Variants in TMEM255B observed in about 807,000 individuals in gnomAD.
TMEM255B encodes family with sequence similarity 70, member B.
TMEM255B carries 35 observed loss-of-function variants against 34.5 expected under a neutral mutation model. The ratio of observed to expected loss-of-function variants is 1.01; its 90% confidence interval spans 0.77 to 1.34. The LOEUF (loss-of-function observed/expected upper bound fraction) is 1.34. Ranked by LOEUF, TMEM255B falls within the 40% of genes most tolerant of loss-of-function variation. TMEM255B has a pLI of 0.00. For synonymous variants in TMEM255B, 206 were observed against 201.2 expected (o/e 1.02, Z -0.20); for missense variants, 432 against 433.2 (o/e 1.00, Z 0.02).
At chr13:113,787,522 G>C (rs569500727) in intron 3 of TMEM255B, among the ~76,000 whole-genome samples, 2 of 152,248 alleles carry the variant, frequency 1.3e-5, no homozygotes, top group South Asian at 4.1e-4. Context: ...TGGATGGTGC[G>C]AGTGTAGGGT....
At chr13:113,761,264 A>G (rs1020658718) in intron 1 of TMEM255B, 6 of 985,252 alleles carry the variant, frequency 6.1e-6, no homozygotes, top group Non-Finnish European at 7.2e-6. Flanking sequence ...GCTTTGTGAC[A>G]TTCCCCTTCC....
chr13:113,809,516 G>T (rs1374193274), intron 8 of TMEM255B, among the ~76,000 whole-genome samples: 3 of 84,270 alleles, frequency 3.6e-5, no homozygotes, highest in Non-Finnish European at 6.6e-5. Flanking sequence ...GGTTCCTGGG[G>T]GTTTACTCCA....
chr13:113,804,983 G>T lies in TMEM255B; in HGVS notation c.768G>T (p.Thr256=), dbSNP rs56032548. Residue 256 remains threonine, a synonymous_variant, in exon 8 of 9, where the codon ACG becomes ACT. Coordinates refer to ENST00000375353, the MANE Select transcript of TMEM255B (RefSeq NM_182614.4). ...QILAYAGFRL[T]PEPVPTCSSY... Reference sequence around the variant, plus strand: ...TGGCCTACGCAGGCTTCCGCCTGACGCCCGAGCCCGTCCCGACCTGCTCGT... The same window carrying T: ...TGGCCTACGCAGGCTTCCGCCTGACTCCCGAGCCCGTCCCGACCTGCTCGT... The T allele has an allele frequency of 3.7e-6, 6 of 1,606,316 alleles. No homozygotes were observed. The highest frequency in any genetic ancestry group is 5.1e-6 in the Non-Finnish European group (6 of 1,179,642).
intron 8 of TMEM255B, among the ~76,000 whole-genome samples, chr13:113,810,419 C>T (rs778173706): frequency 1.3e-5 from 2 of 152,194 alleles, no homozygotes; most frequent in East Asian, 3.8e-4. Context: ...AAAATCTGTG[C>T]CGTTCTTCGC....
intron 3 of TMEM255B, among the ~76,000 whole-genome samples, chr13:113,785,824 A>G (rs1433215489): frequency 6.6e-6 from 1 of 152,014 alleles, no homozygotes; most frequent in African/African-American, 2.4e-5. Flanking sequence ...CAGGAAAAAC[A>G]CCTGGGATAG....
In TMEM255B at chr13:113,812,872, G is replaced by A. The variant is rs1363592587; in HGVS notation, c.*969G>A. On this transcript the variant is annotated 3_prime_UTR_variant, in exon 9 of 9. Coordinates refer to ENST00000375353, the MANE Select transcript of TMEM255B (RefSeq NM_182614.4). Reference sequence around the variant, plus strand: ...TCACAGGCATCCCGGGTGGGTCACAGGTCCCGAGTGGGTCACAGGCCCCGG... The same window carrying A: ...TCACAGGCATCCCGGGTGGGTCACAAGTCCCGAGTGGGTCACAGGCCCCGG... 6.6e-6 allele frequency: 1 copy of A among 152,466 alleles called. No individual in the cohort carries two copies. Among genetic ancestry groups the A allele is most frequent in the East Asian group, 1.9e-4 (1 of 5,188 alleles). The allele number at this position is 152,466 out of a possible 1,614,324, so 9.4% of individuals were successfully genotyped here.
chr13:113,761,386 T>C lies in TMEM255B; in HGVS notation c.46+2071T>C, dbSNP rs945553059. On this transcript the variant is annotated intron_variant, in intron 1 of 8. Coordinates refer to ENST00000375353, the MANE Select transcript of TMEM255B (RefSeq NM_182614.4). ...TGGGCACAGGCTCATGTGGTTCAGC[T>C]CCTCCAGCTAAGGCTGGGGAAGGAG... The C allele has an allele frequency of 8.1e-6, 8 of 984,856 alleles. No homozygotes were observed. The African/African-American group carries it at 1.4e-4, about 17-fold the overall frequency. 61.0% of individuals were successfully genotyped at this position (984,856 alleles called of 1,614,324 possible).
chr13:113,786,872 C>T (rs1448904195), intron 3 of TMEM255B, among the ~76,000 whole-genome samples: 8 of 152,210 alleles, frequency 5.3e-5, no homozygotes, highest in Admixed American at 5.2e-4. Flanking sequence ...TCTGTAGTGG[C>T]CTCTCATTCA....
chr13:113,809,393 C>T (rs1324030925), intron 8 of TMEM255B, among the ~76,000 whole-genome samples: 1 of 113,934 alleles, frequency 8.8e-6, no homozygotes, highest in African/African-American at 3.7e-5. Flanking sequence ...GGAGTTTACT[C>T]TGTGGTTCCT....
intron 3 of TMEM255B, among the ~76,000 whole-genome samples, chr13:113,771,025 A>G (rs1444944779): frequency 1.3e-5 from 2 of 152,210 alleles, no homozygotes; most frequent in Non-Finnish European, 2.9e-5. Flanking sequence ...CACATTCCAT[A>G]TAACTCACCC....
intron 6 of TMEM255B, 127 bp from the exon 7 acceptor site, chr13:113,801,526 C>T (rs766650384): frequency 1.6e-4 from 175 of 1,110,854 alleles, no homozygotes; most frequent in African/African-American, 2.2e-4. Flanking sequence ...CAGGGATGGG[C>T]GTTGACTGGG....
intron 4 of TMEM255B, 87 bp from the exon 5 acceptor site, chr13:113,799,252 C>T (rs2050997286): frequency 7.5e-7 from 1 of 1,333,978 alleles, no homozygotes. Context: ...GGCCCTGAGC[C>T]TGAGACCCAC....
intron 7 of TMEM255B, among the ~76,000 whole-genome samples, chr13:113,804,460 A>G (rs1173037788): frequency 2.6e-5 from 4 of 152,146 alleles, no homozygotes; most frequent in African/African-American, 4.8e-5. Context: ...CCCCCCAAAA[A>G]ATCAAAAAAG....
At chr13:113,790,679 G>A (rs904261511) in intron 3 of TMEM255B, among the ~76,000 whole-genome samples, 11 of 148,026 alleles carry the variant, frequency 7.4e-5, no homozygotes, top group Non-Finnish European at 1.3e-4. Context: ...TCCTAGCACT[G>A]AACTGACTGG....
At chr13:113,800,077 T>A in intron 5 of TMEM255B, 1 of 1,187,774 alleles carries the variant, frequency 8.4e-7, no homozygotes, top group Non-Finnish European at 1.1e-6. Context: ...TGTGTGTGTG[T>A]GTTTATGTGT....
At chr13:113,799,606 T>G (rs2051005496) in intron 5 of TMEM255B, 187 bp downstream of exon 5, 3 of 641,642 alleles carry the variant, frequency 4.7e-6, no homozygotes, top group Non-Finnish European at 8.5e-6. Flanking sequence ...TGTGCTGTAT[T>G]TCACTCTGGA....
chr13:113,803,184 T>C (rs1265454948), intron 7 of TMEM255B: 2 of 146,654 alleles, frequency 1.4e-5, no homozygotes, highest in Non-Finnish European at 1.5e-5. Flanking sequence ...AATGCTGGAG[T>C]GCAGGATCAG....
intron 8 of TMEM255B, among the ~76,000 whole-genome samples, chr13:113,808,793 G>T (rs868197447): frequency 6.2e-5 from 1 of 16,094 alleles, no homozygotes; most frequent in Non-Finnish European, 1.1e-4. Flanking sequence ...TGTGGTTCCT[G>T]GGGGGGGGGT....
intron 7 of TMEM255B, 106 bp from the exon 8 acceptor site, chr13:113,804,779 A>T: frequency 9.5e-7 from 1 of 1,052,868 alleles, no homozygotes; most frequent in Non-Finnish European, 1.3e-6. Flanking sequence ...GGTTAGTTCC[A>T]GCCTGAGAGT....
Sources: gnomAD v4.1 joint callset for allele counts (sites outside exome capture counted in the v4.1 genomes callset) on GRCh38, gnomAD v4.1.1 for gene constraint, MANE v1.5 for transcripts, NCBI Gene and HGNC (gene_info 2026-07-23, HGNC 2026-07-21) for gene names.